The following CUBN variants were observed in gnomAD, a reference collection of about 807,000 sequenced individuals.
CUBN encodes the protein 460 kDa receptor.
Under a neutral mutation model 405.3 loss-of-function variants are expected in CUBN, and 282 were observed. The ratio of observed to expected loss-of-function variants is 0.70; its 90% CI spans 0.63 to 0.77. The LOEUF (loss-of-function observed/expected upper bound fraction) is 0.77. Among genes scored for constraint, CUBN ranks in the 30% least tolerant of loss-of-function variants. The pLI, the probability that CUBN is intolerant of heterozygous loss-of-function variation, is 0.00. For synonymous variants in CUBN, 1,684 were observed against 1,617.0 expected, an observed-to-expected ratio of 1.04 and a Z score of -0.99; for missense variants, 4,514 against 4,475.2, an observed-to-expected ratio of 1.01 and a Z score of -0.25.
At chr10:16,909,109 T>A in intron 48 of CUBN, among the ~76,000 whole-genome samples, 1 of 151,690 alleles carries the variant, frequency 6.6e-6, no homozygotes, top group East Asian at 1.9e-4. Flanking sequence ...ATGGTCTCGA[T>A]CTCCTGACCT....
chr10:16,878,659 C>G (rs1458909973), intron 56 of CUBN, among the ~76,000 whole-genome samples: 1 of 152,208 alleles, frequency 6.6e-6, no homozygotes, highest in African/African-American at 2.4e-5. Flanking sequence ...CCCAATTCTA[C>G]ATTTTCATTG....
chr10:16,849,319 T>C (rs927858973), intron 60 of CUBN, among the ~76,000 whole-genome samples: 1 of 151,922 alleles, frequency 6.6e-6, no homozygotes, highest in Non-Finnish European at 1.5e-5. Flanking sequence ...CCTTCTCCAG[T>C]TGCCTCCCTG....
At chr10:17,100,434 A>C (rs1836470579) in intron 13 of CUBN, among the ~76,000 whole-genome samples, 195 bp from the exon 14 acceptor site, 2 of 152,170 alleles carry the variant, frequency 1.3e-5, no homozygotes, top group Admixed American at 1.3e-4. Context: ...ACAAACTTCA[A>C]CTAATATCAA....
chr10:16,842,561 T>G (rs567864396), intron 60 of CUBN, among the ~76,000 whole-genome samples: 1 of 152,122 alleles, frequency 6.6e-6, no homozygotes. Context: ...CTTCAAAATA[T>G]ATCCCAGAGG....
chr10:17,124,385 G>C (rs1837119062), intron 4 of CUBN, among the ~76,000 whole-genome samples: 1 of 152,076 alleles, frequency 6.6e-6, no homozygotes, highest in Non-Finnish European at 1.5e-5. Flanking sequence ...TGGGTGCAGA[G>C]AAAACTTCTT....
intron 44 of CUBN, among the ~76,000 whole-genome samples, chr10:16,919,029 T>C (rs924930501): frequency 7.9e-5 from 12 of 152,246 alleles, no homozygotes; most frequent in African/African-American, 2.4e-4. Flanking sequence ...TGTTCTACAT[T>C]CAAGAATATT....
Position 16,925,677 on chromosome 10 carries a change from C to A in CUBN, c.6369G>T (p.Leu2123=). Residue 2123 remains leucine, a synonymous_variant, in exon 42 of 67, where the codon CTG becomes CTT. Transcript: ENST00000377833. ...CAGCAATGGTCAGGCCACTTTGGACCAGGACGTGCCAAGAACAGTTGAGGT... is the reference window on the plus strand; with the variant it reads ...CAGCAATGGTCAGGCCACTTTGGACAAGGACGTGCCAAGAACAGTTGAGGT... ...PSNLNCSWHV[L]VQSGLTIAVH... 6.2e-7 allele frequency: 1 copy of A among 1,614,012 alleles called. No individual in the cohort carries two copies. The highest frequency in any genetic ancestry group is 8.5e-7 in the Non-Finnish European group (1 of 1,179,970).
chr10:16,899,108 C>T lies in CUBN; in HGVS notation c.8486G>A (p.Ser2829Asn). 6.2e-7 allele frequency: 1 copy of T among 1,613,818 alleles called. No homozygotes were observed. Among genetic ancestry groups the T allele is most frequent in the Non-Finnish European group, 8.5e-7 (1 of 1,179,702 alleles). ...AGTAATGGCCGTCCAGGAACATCTGCTGTTTTCGGGAAAATTCTGAGGCCA... is the reference window on the plus strand; with the variant it reads ...AGTAATGGCCGTCCAGGAACATCTGTTGTTTTCGGGAAAATTCTGAGGCCA... ...PHWPQNFPEN[S>N]RCSWTAITHK... Residue 2829 changes from serine (S) to asparagine (N), a missense_variant, in exon 54 of 67, where the codon AGC becomes AAC. Around this residue, in one of 5 missense-constraint regions of CUBN, gnomAD observed 1,186 missense variants for 1,186.9 expected, o/e 1.00. Transcript: ENST00000377833.
At chr10:16,902,285 T>C (rs1841419303) in intron 51 of CUBN, among the ~76,000 whole-genome samples, 1 of 140,564 alleles carries the variant, frequency 7.1e-6, no homozygotes. Flanking sequence ...ATATATATAG[T>C]ACATATATAT....
intron 66 of CUBN, 126 bp downstream of exon 66, chr10:16,828,679 A>C: frequency 1.3e-6 from 1 of 761,010 alleles, no homozygotes; most frequent in Non-Finnish European, 2.3e-6. Flanking sequence ...GATTGCGCGC[A>C]CCACTGCACT....
rs886046857 is a variant in CUBN, at chr10:16,824,678, G to A, written c.*297C>T. ...TGGAATTACAGGCACCCACCACCAC[G>A]CCTGGCTAATTATTATATTGTTAGA... On this transcript the variant is annotated 3_prime_UTR_variant, in exon 67 of 67. Coordinates refer to ENST00000377833, the MANE Select transcript of CUBN (RefSeq NM_001081.4). 13 of 354,000 alleles carry A rather than the reference G, an allele frequency of 3.7e-5. No individual in the cohort carries two copies. The highest frequency in any genetic ancestry group is 6.6e-5 in the South Asian group (3 of 45,670). The allele number at this position is 354,000 out of a possible 1,614,324, so 21.9% of individuals were successfully genotyped here.
chr10:17,080,128 T>C (rs530074551), intron 17 of CUBN, among the ~76,000 whole-genome samples: 1 of 152,352 alleles, frequency 6.6e-6, no homozygotes, highest in Non-Finnish European at 1.5e-5. Context: ...CAGGTTTTGA[T>C]ACACAGCATT....
At chr10:16,863,511 C>T (rs1034209201) in intron 59 of CUBN, among the ~76,000 whole-genome samples, 5 of 152,114 alleles carry the variant, frequency 3.3e-5, no homozygotes, top group Non-Finnish European at 4.4e-5. Context: ...CTAACAGTAA[C>T]GTGAGCTGAC....
chr10:16,869,951 C>T, intron 58 of CUBN, 98 bp from the exon 59 acceptor site: 1 of 815,212 alleles, frequency 1.2e-6, no homozygotes, highest in Non-Finnish European at 2.1e-6. Context: ...AAAAAACTAC[C>T]AGTAGAGCAT....
intron 26 of CUBN, among the ~76,000 whole-genome samples, 191 bp downstream of exon 26, chr10:17,043,631 AGAAAC>A (rs1835059937): frequency 6.6e-6 from 1 of 152,234 alleles, no homozygotes; most frequent in African/African-American, 2.4e-5. Context: ...GATTCACAGA[AGAAAC>A]TAAGATGAAG....
intron 56 of CUBN, among the ~76,000 whole-genome samples, chr10:16,881,616 G>A (rs1024430621): frequency 3.3e-5 from 5 of 152,196 alleles, no homozygotes; most frequent in Admixed American, 1.3e-4. Flanking sequence ...TCAGTAAAAT[G>A]TAGAAATTAT....
chr10:17,129,050 T>C, intron 2 of CUBN, 71 bp downstream of exon 2: 1 of 1,228,748 alleles, frequency 8.1e-7, no homozygotes. Context: ...TACAGATTAA[T>C]CTAGACTTGT....
chr10:17,023,339 C>T (rs1328315862), intron 27 of CUBN, among the ~76,000 whole-genome samples: 1 of 150,950 alleles, frequency 6.6e-6, no homozygotes, highest in Non-Finnish European at 1.5e-5. Context: ...AATATAATGT[C>T]CAATCTAGTA....
chr10:17,054,343 A>AT (rs1005199418), intron 22 of CUBN, among the ~76,000 whole-genome samples: 1 of 151,508 alleles, frequency 6.6e-6, no homozygotes, highest in Non-Finnish European at 1.5e-5. Flanking sequence ...AAAAAAAAAA[A>AT]AAAACTGGGG....
Sources: gnomAD v4.1 joint callset for allele counts (sites outside exome capture counted in the v4.1 genomes callset) on GRCh38, gnomAD v4.1.1 for gene constraint, gnomAD v4.1.1 regional missense constraint, MANE v1.5 for transcripts, NCBI Gene and HGNC (gene_info 2026-07-23, HGNC 2026-07-21) for gene names.